Variants in ANKFN1 observed in about 807,000 individuals in gnomAD.
The protein encoded by ANKFN1 is ankyrin repeat and fibronectin type-III domain-containing protein 1.
ANKFN1 carries 74 observed loss-of-function variants against 108.7 expected under a neutral mutation model. The ratio of observed to expected loss-of-function variants is 0.68; its 90% CI spans 0.56 to 0.83. ANKFN1 has a LOEUF of 0.83. Among genes scored for constraint, ANKFN1 ranks in the 40% least tolerant of loss-of-function variants. ANKFN1 has a pLI of 0.00. For synonymous variants in ANKFN1, 547 were observed against 516.2 expected (o/e 1.06, Z -0.81); for missense variants, 1,505 against 1,382.3 (o/e 1.09, Z -1.41).
rs1436374452 is a variant in ANKFN1 at position 56,136,706 on chromosome 17, A to G, written c.288+90381A>G. On this transcript the variant is annotated intron_variant, in intron 4 of 12. Transcript: ENST00000635860. ...CAAACCTACAGAATAGAGGGGACAAACAGTTGAACTTGACATGCCAAGATT... is the reference window on the plus strand; with the variant it reads ...CAAACCTACAGAATAGAGGGGACAAGCAGTTGAACTTGACATGCCAAGATT... Among the ~76,000 whole-genome samples, 5 of 152,230 alleles carry G rather than the reference A, an allele frequency of 3.3e-5. No individual in the cohort carries two copies. The East Asian group carries it at 9.6e-4, about 29-fold the overall frequency.
chr17:56,093,870 T>A (rs1267801598), intron 4 of ANKFN1, among the ~76,000 whole-genome samples: 1 of 151,412 alleles, frequency 6.6e-6, no homozygotes, highest in Non-Finnish European at 1.5e-5. Flanking sequence ...ACCATTAGTA[T>A]GTTGAAGTCC....
intron 4 of ANKFN1, among the ~76,000 whole-genome samples, chr17:56,129,187 A>G (rs979314398): frequency 2.1e-4 from 32 of 152,286 alleles, no homozygotes; most frequent in African/African-American, 7.7e-4. Flanking sequence ...TCCTATAATG[A>G]TAAAAACACC....
At chr17:56,344,861 T>C (rs1280928142) in intron 4 of ANKFN1, among the ~76,000 whole-genome samples, 2 of 151,902 alleles carry the variant, frequency 1.3e-5, no homozygotes, top group African/African-American at 2.4e-5. Context: ...GGCTACTGTT[T>C]TTTTGTTTGT....
At chr17:56,209,085 TAAC>T (rs1167411397) in intron 1 of ANKFN1, among the ~76,000 whole-genome samples, 1 of 152,082 alleles carries the variant, frequency 6.6e-6, no homozygotes, top group Non-Finnish European at 1.5e-5. Flanking sequence ...GTCTCTAAAA[TAAC>T]AACATTTTTC....
At chr17:56,302,332 C>T (rs2044693242) in intron 3 of ANKFN1, among the ~76,000 whole-genome samples, 1 of 152,012 alleles carries the variant, frequency 6.6e-6, no homozygotes, top group Non-Finnish European at 1.5e-5. Flanking sequence ...TGAGACCAGT[C>T]TGGGCAACAT....
upstream of ANKFN1, among the ~76,000 whole-genome samples, chr17:56,151,239 G>C (rs1002981461): frequency 6.6e-6 from 1 of 152,216 alleles, no homozygotes; most frequent in Non-Finnish European, 1.5e-5. Context: ...TGAAGGTGCA[G>C]TGAGGACAGG....
At chr17:56,383,441 C>T (rs2047165964) in intron 8 of ANKFN1, among the ~76,000 whole-genome samples, 1 of 152,064 alleles carries the variant, frequency 6.6e-6, no homozygotes, top group South Asian at 2.1e-4. Context: ...AGAGCAAACA[C>T]ATTCAAAAGC....
intron 1 of ANKFN1, among the ~76,000 whole-genome samples, chr17:56,180,913 G>GAA (rs1911625071): frequency 6.6e-6 from 1 of 152,162 alleles, no homozygotes; most frequent in African/African-American, 2.4e-5. Flanking sequence ...CATCGAGGAA[G>GAA]GAGTGCTGTT....
intron 6 of ANKFN1, among the ~76,000 whole-genome samples, chr17:56,362,523 G>A (rs144964870): frequency 1.1e-4 from 16 of 152,294 alleles, no homozygotes; most frequent in East Asian, 9.7e-4. Flanking sequence ...TCAATATACG[G>A]TGTTGGGAAA....
intron 6 of ANKFN1, among the ~76,000 whole-genome samples, chr17:56,366,556 T>C (rs550767543): frequency 1.3e-5 from 2 of 152,330 alleles, no homozygotes; most frequent in South Asian, 4.1e-4. Flanking sequence ...TCAGGGTAAA[T>C]GCCCTATACA....
chr17:56,134,911 C>T (rs1907507187), intron 4 of ANKFN1, among the ~76,000 whole-genome samples: 1 of 151,986 alleles, frequency 6.6e-6, no homozygotes, highest in South Asian at 2.1e-4. Context: ...GATGTGTTGT[C>T]CTGATGGACT....
chr17:56,468,613 T>C (rs1391811482), intron 15 of ANKFN1, among the ~76,000 whole-genome samples: 1 of 149,284 alleles, frequency 6.7e-6, no homozygotes, highest in Non-Finnish European at 1.5e-5. Flanking sequence ...GGGAGCCATC[T>C]GTGGTCACCC....
chr17:56,171,979 A>G (rs1727299603), intron 1 of ANKFN1, among the ~76,000 whole-genome samples: 1 of 150,192 alleles, frequency 6.7e-6, no homozygotes, highest in South Asian at 2.3e-4. Flanking sequence ...ATCCTTTGGT[A>G]TTTGCTGTTA....
At chr17:56,135,624 C>T (rs1907553783) in intron 4 of ANKFN1, among the ~76,000 whole-genome samples, 1 of 152,110 alleles carries the variant, frequency 6.6e-6, no homozygotes. Context: ...ACAATTGTTC[C>T]CTGCAGCTCC....
chr17:56,092,720 C>T (rs1184632510), intron 4 of ANKFN1, among the ~76,000 whole-genome samples: 2 of 151,204 alleles, frequency 1.3e-5, no homozygotes, highest in East Asian at 1.9e-4. Context: ...AGGTTTTGGC[C>T]GTCTAGAGTC....
At chr17:56,490,510 T>G (rs1319006686) in intron 18 of ANKFN1, among the ~76,000 whole-genome samples, 2 of 152,202 alleles carry the variant, frequency 1.3e-5, no homozygotes, top group Non-Finnish European at 2.9e-5. Context: ...AAGGTATGAC[T>G]GAAAATATTC....
chr17:56,305,363 C>G (rs2044791743), intron 3 of ANKFN1, among the ~76,000 whole-genome samples: 1 of 152,190 alleles, frequency 6.6e-6, no homozygotes, highest in Non-Finnish European at 1.5e-5. Context: ...TTTTCTCACT[C>G]TGCAGCTTTT....
rs546097552 is a variant in ANKFN1 at position 56,065,481 on chromosome 17, A to G, written c.288+19156A>G. On this transcript the variant is annotated intron_variant, in intron 4 of 12. Transcript: ENST00000635860. Reference sequence around the variant, plus strand: ...GGCACGAGAACTTAGCTTTTGGCCTATCTCAGCCTCTGAGATGCCTTTCTC... The same window carrying G: ...GGCACGAGAACTTAGCTTTTGGCCTGTCTCAGCCTCTGAGATGCCTTTCTC... Among the ~76,000 whole-genome samples the G allele has an allele frequency of 2.6e-5, 4 of 152,278 alleles. No homozygotes were observed. In the East Asian group the frequency reaches 7.7e-4, roughly 29 times the overall value.
At chr17:56,381,877 G>A (rs1336502753) in intron 8 of ANKFN1, among the ~76,000 whole-genome samples, 1 of 152,170 alleles carries the variant, frequency 6.6e-6, no homozygotes, top group African/African-American at 2.4e-5. Flanking sequence ...ATATTATCCA[G>A]GAGAACTTCC....
Sources: allele counts gnomAD v4.1 joint callset (sites outside exome capture counted in the v4.1 genomes callset), GRCh38; gene constraint gnomAD v4.1.1; transcripts MANE v1.5; gene names NCBI Gene and HGNC (gene_info 2026-07-23, HGNC 2026-07-21).